Variants in PPARGC1A observed in about 807,000 individuals in gnomAD.
PPARGC1A encodes the protein peroxisome proliferator-activated receptor gamma coactivator 1-alpha.
A neutral mutation model predicts 88.7 loss-of-function variants in PPARGC1A; 25 were observed. The ratio of observed to expected loss-of-function variants is 0.28; its 90% CI spans 0.21 to 0.39. The LOEUF (loss-of-function observed/expected upper bound fraction) is 0.39. Among genes scored for constraint, PPARGC1A ranks in the 10% least tolerant of loss-of-function variants. PPARGC1A has a pLI of 1.00. For missense variants in PPARGC1A, 880 were observed against 968.7 expected, an observed-to-expected ratio of 0.91 and a Z score of 1.22; for synonymous variants, 363 against 355.6, an observed-to-expected ratio of 1.02 and a Z score of -0.24.
upstream of PPARGC1A, among the ~76,000 whole-genome samples, chr4:23,902,441 T>A (rs1053464657): frequency 3.3e-5 from 5 of 152,230 alleles, no homozygotes; most frequent in African/African-American, 1.2e-4. Flanking sequence ...TCAGCCTGCA[T>A]GGCCCTGTAT....
chr4:23,949,600 A>G, the PPARGC1A span, among the ~76,000 whole-genome samples: 1 of 152,176 alleles, frequency 6.6e-6, no homozygotes, highest in Admixed American at 6.5e-5. Flanking sequence ...TAATCCAGTA[A>G]ATAAACTCCC....
At chr4:24,025,316 T>C in the PPARGC1A span, among the ~76,000 whole-genome samples, 1 of 152,178 alleles carries the variant, frequency 6.6e-6, no homozygotes, top group South Asian at 2.1e-4. Flanking sequence ...AAATAAACAT[T>C]GGTGGGAGTC....
chr4:23,988,470 T>C, the PPARGC1A span, among the ~76,000 whole-genome samples: 1 of 151,994 alleles, frequency 6.6e-6, no homozygotes, highest in Non-Finnish European at 1.5e-5. Flanking sequence ...TTAATACAGA[T>C]GCTTTTTAAT....
chr4:24,450,907 C>T, the PPARGC1A span, among the ~76,000 whole-genome samples: 8 of 152,190 alleles, frequency 5.3e-5, no homozygotes. Context: ...CCACAGATGC[C>T]TCTTCTGTTA....
the PPARGC1A span, among the ~76,000 whole-genome samples, chr4:24,267,613 G>T: frequency 6.6e-6 from 1 of 152,188 alleles, no homozygotes; most frequent in Non-Finnish European, 1.5e-5. Flanking sequence ...GGGTGAGGAG[G>T]TGGAAGCTTC....
At chr4:23,848,909 C>T (rs1728776592) in intron 2 of PPARGC1A, among the ~76,000 whole-genome samples, 1 of 152,078 alleles carries the variant, frequency 6.6e-6, no homozygotes, top group African/African-American at 2.4e-5. Flanking sequence ...TTTGGGAGGC[C>T]GAGGCGGGCA....
chr4:24,394,001 T>A, the PPARGC1A span, among the ~76,000 whole-genome samples: 1 of 152,086 alleles, frequency 6.6e-6, no homozygotes, highest in Non-Finnish European at 1.5e-5. Context: ...CTAATTTAAA[T>A]AAAAGCCCAG....
chr4:24,101,870 C>G, the PPARGC1A span, among the ~76,000 whole-genome samples: 1 of 152,152 alleles, frequency 6.6e-6, no homozygotes, highest in Non-Finnish European at 1.5e-5. Flanking sequence ...GTGCTAGGTA[C>G]TAACGATTGA....
the PPARGC1A span, among the ~76,000 whole-genome samples, chr4:24,431,570 C>T: frequency 1.3e-5 from 2 of 152,164 alleles, no homozygotes; most frequent in Admixed American, 6.5e-5. Flanking sequence ...ACCCTGGGAT[C>T]GCCAACATTC....
chr4:24,239,825 C>T, the PPARGC1A span, among the ~76,000 whole-genome samples: 2 of 152,056 alleles, frequency 1.3e-5, no homozygotes, highest in Non-Finnish European at 1.5e-5. Flanking sequence ...AAAATAAATG[C>T]CAGGTCAGGA....
chr4:24,387,824 GAGAGAAAGAGAGAA>G, the PPARGC1A span, among the ~76,000 whole-genome samples: 14 of 64,944 alleles, frequency 2.2e-4, no homozygotes, highest in Non-Finnish European at 4.6e-4. Flanking sequence ...AAGAAAGAAA[GAGAGAAAGAGAGAA>G]AGAGAGAGAG....
the PPARGC1A span, among the ~76,000 whole-genome samples, chr4:23,943,613 T>A: frequency 6.6e-6 from 1 of 152,148 alleles, no homozygotes; most frequent in South Asian, 2.1e-4. Flanking sequence ...CTTCCCCCTC[T>A]AGAAAGTGAA....
At chr4:24,325,539 T>TC in the PPARGC1A span, among the ~76,000 whole-genome samples, 2 of 152,084 alleles carry the variant, frequency 1.3e-5, no homozygotes, top group Non-Finnish European at 2.9e-5. Context: ...CCAGGATTCC[T>TC]CCTAAGCCTT....
chr4:24,219,456 T>C, the PPARGC1A span, among the ~76,000 whole-genome samples: 1 of 152,144 alleles, frequency 6.6e-6, no homozygotes, highest in African/African-American at 2.4e-5. Flanking sequence ...AATTCTTCAG[T>C]GAAGGAGTCA....
the PPARGC1A span, among the ~76,000 whole-genome samples, chr4:24,123,143 CA>C: frequency 1.3e-5 from 2 of 152,174 alleles, no homozygotes; most frequent in Admixed American, 6.5e-5. Flanking sequence ...GCCAATGAAA[CA>C]GATGACAACT....
At chr4:24,373,875 C>T in the PPARGC1A span, among the ~76,000 whole-genome samples, 1 of 152,152 alleles carries the variant, frequency 6.6e-6, no homozygotes, top group Non-Finnish European at 1.5e-5. Context: ...TGGAACCTGG[C>T]AATTGCTATG....
At chr4:23,915,765 A>G in the PPARGC1A span, among the ~76,000 whole-genome samples, 2 of 152,232 alleles carry the variant, frequency 1.3e-5, no homozygotes, top group Admixed American at 1.3e-4. Context: ...ACACCAGGCT[A>G]TGAGGCTATG....
At chr4:24,108,435 C>A in the PPARGC1A span, among the ~76,000 whole-genome samples, 22 of 152,088 alleles carry the variant, frequency 1.4e-4, no homozygotes, top group Non-Finnish European at 2.9e-4. Context: ...AGATTAAGTT[C>A]TAATAATAAG....
At chr4:24,357,508 C>G in the PPARGC1A span, among the ~76,000 whole-genome samples, 3 of 152,218 alleles carry the variant, frequency 2.0e-5, no homozygotes, top group Non-Finnish European at 4.4e-5. Context: ...CTAGCAGCTT[C>G]ACTTGCTAAA....
Sources: gnomAD v4.1 joint callset for allele counts (sites outside exome capture counted in the v4.1 genomes callset) on GRCh38, gnomAD v4.1.1 for gene constraint, MANE v1.5 for transcripts, NCBI Gene and HGNC (gene_info 2026-07-23, HGNC 2026-07-21) for gene names.